The following CYLD variants were observed in gnomAD, a reference collection of about 807,000 sequenced individuals.
CYLD encodes ubiquitin carboxyl-terminal hydrolase CYLD.
In CYLD, 26 loss-of-function variants were observed where a neutral mutation model predicts 104.5. The ratio of observed to expected loss-of-function variants is 0.25; its 90% CI spans 0.18 to 0.35. The LOEUF (loss-of-function observed/expected upper bound fraction) is 0.35. CYLD is among the 10% of genes least tolerant of loss of function. The pLI, the probability that CYLD is intolerant of heterozygous loss-of-function variation, is 1.00. For synonymous variants in CYLD, 385 were observed against 399.9 expected (o/e 0.96, Z 0.45); for missense variants, 703 against 1,136.1 (o/e 0.62, Z 5.48).
At chr16:50,775,350 A>G (rs1190524147) in intron 6 of CYLD, among the ~76,000 whole-genome samples, 176 bp downstream of exon 6, 1 of 152,190 alleles carries the variant, frequency 6.6e-6, no homozygotes, top group Non-Finnish European at 1.5e-5. Context: ...AGTTTGCCAC[A>G]CTTATTACAC....
chr16:50,777,206 G>T (rs1408723708), intron 7 of CYLD, among the ~76,000 whole-genome samples: 2 of 152,106 alleles, frequency 1.3e-5, no homozygotes, highest in African/African-American at 2.4e-5. Flanking sequence ...ACTGTGTGTG[G>T]TATGTCCTTG....
intron 5 of CYLD, among the ~76,000 whole-genome samples, chr16:50,756,753 A>G (rs1285559460): frequency 6.6e-6 from 1 of 152,248 alleles, no homozygotes; most frequent in Non-Finnish European, 1.5e-5. Flanking sequence ...AGACGACTTA[A>G]TACTTTTTTA....
intron 5 of CYLD, among the ~76,000 whole-genome samples, chr16:50,774,701 A>G (rs1322024317): frequency 6.6e-6 from 1 of 152,202 alleles, no homozygotes; most frequent in Non-Finnish European, 1.5e-5. Flanking sequence ...GGATGGTGCA[A>G]GATTTCGTTA....
chr16:50,779,704 C>T lies in CYLD; in HGVS notation c.1178C>T (p.Thr393Ile). The change falls in exon 9 of 19, where the codon ACA becomes ATA. Residue 393 changes from threonine (T) to isoleucine (I), a missense_variant. Thr to Ile is a moderately conservative substitution (Grantham distance 89). Around this residue, in one of 5 missense-constraint regions of CYLD, gnomAD observed 183 missense variants for 212.1 expected, o/e 0.86. Coordinates refer to ENST00000427738, the MANE Select transcript of CYLD (RefSeq NM_001378743.1). The part of the protein sequence containing the change: ...DPAKSLTEIS[T>I]DFDRSSPPLQ... Reference sequence around the variant, plus strand: ...GCAAAATCTCTTACAGAGATATCTACAGACTTTGACCGTTCTTCACCACCA... The same window carrying T: ...GCAAAATCTCTTACAGAGATATCTATAGACTTTGACCGTTCTTCACCACCA... 6.2e-7 allele frequency: 1 copy of T among 1,613,998 alleles called. No individual in the cohort carries two copies. Among genetic ancestry groups the T allele is most frequent in the Non-Finnish European group, 8.5e-7 (1 of 1,179,960 alleles).
At chr16:50,755,392 C>T (rs962512708) in intron 5 of CYLD, among the ~76,000 whole-genome samples, 5 of 152,040 alleles carry the variant, frequency 3.3e-5, no homozygotes, top group Non-Finnish European at 7.4e-5. Context: ...TGGGTAGACT[C>T]CTAGTAGTGG....
Position 50,798,082 on chromosome 16 carries a change from G to T in CYLD, c.*1574G>T, listed in dbSNP as rs1019867466. 6 of 232,030 alleles carry T rather than the reference G, an allele frequency of 2.6e-5. No individual in the cohort carries two copies. Among genetic ancestry groups the T allele is most frequent in the African/African-American group, 1.3e-4 (6 of 45,242 alleles). 14.4% of individuals were successfully genotyped at this position (232,030 alleles called of 1,614,324 possible). ...TCCATCTCCCTTGGGTAAAATGAAG[G>T]GTGTGGGGTAAAAGATGCATAAGGC... On this transcript the variant is annotated 3_prime_UTR_variant, in exon 19 of 19. Coordinates refer to ENST00000427738, the MANE Select transcript of CYLD (RefSeq NM_001378743.1).
chr16:50,751,456 A>G, intron 3 of CYLD, 148 bp from the exon 4 acceptor site: 1 of 586,296 alleles, frequency 1.7e-6, no homozygotes, highest in Non-Finnish European at 2.9e-6. Context: ...CTCTAAATCC[A>G]ACAGAAACTG....
chr16:50,749,521 C>A, intron 2 of CYLD, 55 bp from the exon 3 acceptor site: 1 of 641,210 alleles, frequency 1.6e-6, no homozygotes, highest in South Asian at 2.0e-5. Flanking sequence ...AGAATGAAGT[C>A]TAAAGTTTAT....
intron 4 of CYLD, among the ~76,000 whole-genome samples, chr16:50,752,450 T>C (rs897866651): frequency 2.0e-5 from 3 of 152,198 alleles, no homozygotes; most frequent in Non-Finnish European, 2.9e-5. Context: ...CACATTGATT[T>C]TGAGGAATAG....
chr16:50,751,485 A>G, intron 3 of CYLD, 119 bp from the exon 4 acceptor site: 1 of 745,878 alleles, frequency 1.3e-6, no homozygotes, highest in Non-Finnish European at 2.2e-6. Flanking sequence ...TGTATTTCTT[A>G]TTATATGTAT....
chr16:50,794,103 T>A lies in CYLD; in HGVS notation c.2470-109T>A. 9.5e-7 allele frequency: 1 copy of A among 1,056,222 alleles called. No individual in the cohort carries two copies. Among genetic ancestry groups the A allele is most frequent in the Non-Finnish European group, 1.4e-6 (1 of 691,364 alleles). The allele number at this position is 1,056,222 out of a possible 1,614,324, so 65.4% of individuals were successfully genotyped here. A position where few individuals can be genotyped will look rare whatever the true frequency, so the allele number is the denominator to read the frequency against. The stretch of plus-strand genomic sequence containing the variant: ...CCACCACGCCCAGCTAATTTTTGTA[T>A]TTTTAACAGAGACAGGGTTTCACCA... On this transcript the variant is annotated intron_variant, in intron 17 of 18. Transcript: ENST00000427738. The surrounding 1 kb of genome is among the most constrained non-coding windows in gnomAD (Gnocchi z 4.1).
intron 17 of CYLD, 37 bp downstream of exon 17, chr16:50,793,701 G>T (rs200543731): frequency 5.2e-4 from 655 of 1,264,794 alleles, no homozygotes; most frequent in Non-Finnish European, 4.1e-4. Flanking sequence ...AACTTTTGTT[G>T]AACAGTAACT....
At chr16:50,752,369 T>C (rs980939178) in intron 4 of CYLD, among the ~76,000 whole-genome samples, 10 of 152,132 alleles carry the variant, frequency 6.6e-5, no homozygotes, top group African/African-American at 2.4e-4. Flanking sequence ...TTCTACACAA[T>C]TTAATGGCTG....
intron 12 of CYLD, chr16:50,785,629 A>G (rs1970732871): frequency 2.0e-5 from 3 of 152,214 alleles, no homozygotes; most frequent in Admixed American, 1.3e-4. Context: ...GAGGAAGAAT[A>G]AACATTCTTT....
chr16:50,795,467 G>T (rs1971936300), intron 18 of CYLD: 2 of 693,846 alleles, frequency 2.9e-6, no homozygotes, highest in Non-Finnish European at 5.3e-6. Context: ...TAAGGAGTTT[G>T]CAGGTTAAGA....
At chr16:50,777,970 A>G (rs766585307) in intron 8 of CYLD, 29 bp downstream of exon 8, 1 of 1,225,928 alleles carries the variant, frequency 8.2e-7, no homozygotes, top group South Asian at 1.2e-5. Context: ...GTTCTTTATA[A>G]TGATCCTTTC....
chr16:50,754,983 A>G (rs554023091), intron 5 of CYLD, among the ~76,000 whole-genome samples: 4 of 15,062 alleles, frequency 2.7e-4, no homozygotes, highest in African/African-American at 7.8e-4. Context: ...ATGTATACAT[A>G]TATACATATA....
chr16:50,781,357 A>C lies in CYLD; in HGVS notation c.1630A>C (p.Arg544=). Residue 544 remains arginine, a synonymous_variant, in exon 10 of 19, where the codon AGG becomes CGG. Coordinates refer to ENST00000427738, the MANE Select transcript of CYLD (RefSeq NM_001378743.1). The part of the protein sequence containing the change: ...VKLKSCRPDS[R]FASLQPVSNQ... Reference sequence around the variant, plus strand: ...ACTGAAGAGCTGCAGGCCTGACTCTAGGTTTGCATCATTGCAGCCGGTTTC... The same window carrying C: ...ACTGAAGAGCTGCAGGCCTGACTCTCGGTTTGCATCATTGCAGCCGGTTTC... 1.2e-6 allele frequency: 2 copies of C among 1,613,832 alleles called. No homozygotes were observed. The highest frequency in any genetic ancestry group is 1.7e-6 in the Non-Finnish European group (2 of 1,179,872).
In CYLD at chr16:50,801,349, G is replaced by C. The variant is rs886052071; in HGVS notation, c.*4841G>C. 4.3e-6 allele frequency: 1 copy of C among 233,382 alleles called. No individual in the cohort carries two copies. Among genetic ancestry groups the C allele is most frequent in the Non-Finnish European group, 8.5e-6 (1 of 118,074 alleles). The allele number at this position is 233,382 out of a possible 1,614,324, so 14.5% of individuals were successfully genotyped here. A position where few individuals can be genotyped will look rare whatever the true frequency, so the allele number is the denominator to read the frequency against. On this transcript the variant is annotated 3_prime_UTR_variant, in exon 19 of 19. Coordinates refer to ENST00000427738, the MANE Select transcript of CYLD (RefSeq NM_001378743.1). ...CTGGCCCTTTGCCTTGGCAGTGATG[G>C]CATTTTTATTTCACTGTGTTTTAAA...
Sources: allele counts gnomAD v4.1 joint callset (sites outside exome capture counted in the v4.1 genomes callset), GRCh38; gene constraint gnomAD v4.1.1; regional missense constraint gnomAD v4.1.1; non-coding constraint Gnocchi (gnomAD v3.1); transcripts MANE v1.5; gene names NCBI Gene and HGNC (gene_info 2026-07-23, HGNC 2026-07-21).